The following TDRD15 variants were observed in gnomAD, a reference collection of about 807,000 sequenced individuals.
TDRD15 encodes tudor domain-containing protein 15.
For synonymous variants in TDRD15, 503 were observed against 314.5 expected (o/e 1.60, Z -6.34); for missense variants, 1,416 against 904.7 (o/e 1.57, Z -7.25).
downstream of TDRD15, among the ~76,000 whole-genome samples, chr2:21,146,059 A>G (rs925411794): frequency 4.6e-5 from 7 of 152,030 alleles, no homozygotes; most frequent in African/African-American, 1.4e-4. Flanking sequence ...TGGTGATTCT[A>G]ATGCACAGCT....
At position 21,139,148 on chromosome 2, in the gene TDRD15, A is replaced by G. The variant is rs1665869968; in HGVS notation, c.1681A>G (p.Ile561Val). The G allele has an allele frequency of 2.8e-6, 2 of 712,240 alleles. No homozygotes were observed. Among genetic ancestry groups the G allele is most frequent in the South Asian group, 1.5e-5 (1 of 66,500 alleles). 44.1% of individuals were successfully genotyped at this position (712,240 alleles called of 1,614,324 possible). A position where few individuals can be genotyped will look rare whatever the true frequency, so the allele number is the denominator to read the frequency against. The change falls in exon 4 of 4, where the codon ATT (isoleucine) becomes GTT (valine). Residue 561 changes from isoleucine (I) to valine (V), a missense_variant. By Grantham distance (29) the Ile-to-Val change is conservative (BLOSUM62 3). Coordinates refer to ENST00000405799, the MANE Select transcript of TDRD15 (RefSeq NM_001306137.2). Reference protein sequence around the residue: ...AVITEINGYKINVYFLDYGNT... With the variant: ...AVITEINGYKVNVYFLDYGNT... ...CATCACTGAAATTAATGGTTATAAG[A>G]TTAATGTTTATTTTTTGGATTATGG...
intron 2 of TDRD15, among the ~76,000 whole-genome samples, chr2:21,130,859 G>A (rs1209169203): frequency 6.6e-6 from 1 of 152,148 alleles, no homozygotes; most frequent in Non-Finnish European, 1.5e-5. Context: ...AAATGTCCTT[G>A]ATCTAGCAGT....
rs557035112 is a variant in TDRD15 at position 21,143,948 on chromosome 2, A to G, written c.*676A>G. Among the ~76,000 whole-genome samples, 17 of 151,900 alleles carry G rather than the reference A, an allele frequency of 1.1e-4. No homozygotes were observed. In the South Asian group the frequency reaches 3.1e-3, roughly 28 times the overall value. Reference sequence around the variant, plus strand: ...CATGCACACACGCATGACGTTTCACAAATAATTTCAAGGGTTTCATAAAAC... The same window carrying G: ...CATGCACACACGCATGACGTTTCACGAATAATTTCAAGGGTTTCATAAAAC... On this transcript the variant is annotated 3_prime_UTR_variant, in exon 4 of 4. Coordinates refer to ENST00000405799, the MANE Select transcript of TDRD15 (RefSeq NM_001306137.2).
chr2:21,133,859 A>T (rs920242779), intron 2 of TDRD15, among the ~76,000 whole-genome samples: 8 of 152,096 alleles, frequency 5.3e-5, no homozygotes, highest in Non-Finnish European at 1.2e-4. Flanking sequence ...TGTAAAATGT[A>T]CACCATAGTT....
chr2:21,141,066 A>G lies in TDRD15; in HGVS notation c.3599A>G (p.His1200Arg), dbSNP rs890820584. ...YSERKIDQLM[H>R]PKNIHARFLK... ...GAAAGAAAAATAGACCAATTGATGC[A>G]TCCCAAAAATATACATGCCAGGTTT... Residue 1200 changes from histidine to arginine, a missense_variant, in exon 4 of 4, where the codon CAT (histidine) becomes CGT (arginine). His to Arg is a conservative substitution (Grantham distance 29, BLOSUM62 0). Coordinates refer to ENST00000405799, the MANE Select transcript of TDRD15 (RefSeq NM_001306137.2). 1.8e-5 allele frequency: 13 copies of G among 705,320 alleles called. No individual in the cohort carries two copies. Among genetic ancestry groups the G allele is most frequent in the Non-Finnish European group, 3.4e-5 (13 of 381,430 alleles). The allele number at this position is 705,320 out of a possible 1,614,324, so 43.7% of individuals were successfully genotyped here.
downstream of TDRD15, among the ~76,000 whole-genome samples, chr2:21,145,923 T>A (rs566542725): frequency 2.0e-5 from 3 of 152,084 alleles, no homozygotes; most frequent in Admixed American, 1.3e-4. Flanking sequence ...CAACCTTGGC[T>A]TTGCATTGGA....
chr2:21,145,308 T>C (rs1341747272), downstream of TDRD15, among the ~76,000 whole-genome samples: 1 of 152,076 alleles, frequency 6.6e-6, no homozygotes, highest in African/African-American at 2.4e-5. Flanking sequence ...TACTGCCTTT[T>C]GAAAAGAGTT....
intron 2 of TDRD15, among the ~76,000 whole-genome samples, chr2:21,128,932 T>C (rs1267203028): frequency 6.6e-6 from 1 of 151,740 alleles, no homozygotes; most frequent in Non-Finnish European, 1.5e-5. Context: ...CTTTAAAAAA[T>C]GTTATTGTTA....
At chr2:21,128,110 A>G (rs1338588886) in intron 2 of TDRD15, among the ~76,000 whole-genome samples, 1 of 152,166 alleles carries the variant, frequency 6.6e-6, no homozygotes, top group Non-Finnish European at 1.5e-5. Flanking sequence ...TTATTCTCTT[A>G]CCTGGAACCT....
Position 21,139,307 on chromosome 2 carries a change from G to A in TDRD15, c.1840G>A (p.Asp614Asn), listed in dbSNP as rs1169428017. ...VEDLWTKAAIDYFKKLVLNKA... is the reference protein window; with the variant it reads ...VEDLWTKAAINYFKKLVLNKA... Reference sequence around the variant, plus strand: ...AGATTTATGGACTAAGGCTGCAATTGATTATTTTAAAAAATTAGTTTTGAA... The same window carrying A: ...AGATTTATGGACTAAGGCTGCAATTAATTATTTTAAAAAATTAGTTTTGAA... The change falls in exon 4 of 4, where the codon GAT becomes AAT. Residue 614 changes from aspartate (D) to asparagine (N), a missense_variant. Physicochemically the swap from Asp to Asn is conservative, Grantham distance 23. Coordinates refer to ENST00000405799, the MANE Select transcript of TDRD15 (RefSeq NM_001306137.2). 2.8e-6 allele frequency: 2 copies of A among 708,060 alleles called. No homozygotes were observed. The highest frequency in any genetic ancestry group is 1.5e-5 in the South Asian group (1 of 65,248). The allele number at this position is 708,060 out of a possible 1,614,324, so 43.9% of individuals were successfully genotyped here. A position where few individuals can be genotyped will look rare whatever the true frequency, so the allele number is the denominator to read the frequency against.
At position 21,143,215 on chromosome 2, in the gene TDRD15, A is replaced by G. The variant is rs924694508; in HGVS notation, c.5748A>G (p.Lys1916=). ...LVASGLATYS[K]DSPHLDAITA... ...CATCTGGTCTCGCAACTTATTCTAA[A>G]GATTCACCTCATCTTGATGCAATTA... The change falls in exon 4 of 4, where the codon AAA becomes AAG. Residue 1916 remains lysine (K), a synonymous_variant. Transcript: ENST00000405799. 3.0e-6 allele frequency: 2 copies of G among 675,826 alleles called. No individual in the cohort carries two copies. Among genetic ancestry groups the G allele is most frequent in the African/African-American group, 3.6e-5 (2 of 55,350 alleles). The allele number at this position is 675,826 out of a possible 1,614,324, so 41.9% of individuals were successfully genotyped here.
intron 1 of TDRD15, among the ~76,000 whole-genome samples, chr2:21,125,508 TGAGAGA>T (rs201022463): frequency 1.3e-5 from 2 of 151,498 alleles, no homozygotes; most frequent in African/African-American, 4.9e-5. Context: ...TGTGTGTGCG[TGAGAGA>T]GAGAGTGAGT....
At chr2:21,125,275 T>C (rs1665562082) in intron 1 of TDRD15, among the ~76,000 whole-genome samples, 1 of 151,438 alleles carries the variant, frequency 6.6e-6, no homozygotes, top group South Asian at 2.1e-4. Context: ...TTCTAGCGTC[T>C]GTGTGTGAGA....
Position 21,125,748 on chromosome 2 carries a change from C to T in TDRD15, c.-201+1702C>T, listed in dbSNP as rs545972539. Among the ~76,000 whole-genome samples, 4 of 152,130 alleles carry T rather than the reference C, an allele frequency of 2.6e-5. No homozygotes were observed. The South Asian group carries it at 6.2e-4, about 24-fold the overall frequency. ...TCTGGAACTCTTTTTCCAGTTCCAT[C>T]TCCTAATTTATTTGTTTGATACATA... On this transcript the variant is annotated intron_variant, in intron 1 of 3. Transcript: ENST00000405799.
intron 2 of TDRD15, among the ~76,000 whole-genome samples, chr2:21,129,923 G>A (rs1374163417): frequency 6.6e-6 from 1 of 152,170 alleles, no homozygotes; most frequent in African/African-American, 2.4e-5. Context: ...CCTTGCTAGT[G>A]GGGACTCTGC....
In TDRD15 at chr2:21,128,488, A is replaced by C. The variant is rs552933191; in HGVS notation, c.-90+777A>C. Among the ~76,000 whole-genome samples, 235 of 151,790 alleles carry C rather than the reference A, an allele frequency of 1.5e-3. 1 individual carries two copies. The highest frequency in any genetic ancestry group is 3.4e-3 in the Admixed American group (52 of 15,256). ...CAGGCGCCCGCCACCACGCCTGGCT[A>C]ATTTTTTGTATTTTTAGTAGAGACA... On this transcript the variant is annotated intron_variant, in intron 2 of 3. Transcript: ENST00000405799.
intron 2 of TDRD15, among the ~76,000 whole-genome samples, chr2:21,130,348 C>T (rs1200074735): frequency 6.6e-6 from 1 of 152,154 alleles, no homozygotes; most frequent in African/African-American, 2.4e-5. Flanking sequence ...GCATTTAATG[C>T]TGGCAACAAA....
intron 2 of TDRD15, among the ~76,000 whole-genome samples, chr2:21,129,847 A>G (rs1572295001): frequency 6.6e-6 from 1 of 152,178 alleles, no homozygotes; most frequent in Non-Finnish European, 1.5e-5. Context: ...AAGAAAAGGA[A>G]TTTATTTCTT....
rs1572303103 is a variant in TDRD15 at position 21,142,307 on chromosome 2, A to G, written c.4840A>G (p.Ile1614Val). Residue 1614 changes from isoleucine to valine, a missense_variant, in exon 4 of 4, where the codon ATC becomes GTC. Physicochemically the swap from Ile to Val is conservative, Grantham distance 29. Coordinates refer to ENST00000405799, the MANE Select transcript of TDRD15 (RefSeq NM_001306137.2). ...ACTTGTTTTTTTAGTAGATTGTGGT[A>G]TCTATGAAATAGTACCTGTATGTAA... ...KVLVFLVDCG[I>V]YEIVPVCNTK... is the part of the protein sequence containing the mutation. 1 of 688,070 alleles carries G rather than the reference A, an allele frequency of 1.5e-6. No homozygotes were observed. The highest frequency in any genetic ancestry group is 2.4e-4 in the Middle Eastern group (1 of 4,180). The allele number at this position is 688,070 out of a possible 1,614,324, so 42.6% of individuals were successfully genotyped here.
Sources: gnomAD v4.1 joint callset for allele counts (sites outside exome capture counted in the v4.1 genomes callset) on GRCh38, gnomAD v4.1.1 for gene constraint, MANE v1.5 for transcripts, NCBI Gene and HGNC (gene_info 2026-07-23, HGNC 2026-07-21) for gene names.